The following ANO1 variants were observed in gnomAD, a reference collection of about 807,000 sequenced individuals.
ANO1 encodes the protein anoctamin-1.
In ANO1, 59 loss-of-function variants were observed where a neutral mutation model predicts 124.0. The observed-to-expected ratio is 0.48, with a 90% confidence interval of 0.39 to 0.59. The LOEUF (loss-of-function observed/expected upper bound fraction) is 0.59, where lower values mean the gene tolerates loss of function less well. Among genes scored for constraint, ANO1 ranks in the 20% least tolerant of loss-of-function variants. ANO1 has a pLI of 0.00. For missense variants in ANO1, 1,059 were observed against 1,328.0 expected, an observed-to-expected ratio of 0.80 and a Z score of 3.15; for synonymous variants, 529 against 532.0, an observed-to-expected ratio of 0.99 and a Z score of 0.08.
At chr11:70,040,272 G>T (rs1857162805) in intron 1 of ANO1, among the ~76,000 whole-genome samples, 1 of 151,984 alleles carries the variant, frequency 6.6e-6, no homozygotes, top group Admixed American at 6.6e-5. Flanking sequence ...CCTTACTAAG[G>T]TTTTGTGTCT....
At position 70,020,941 on chromosome 11, in the gene ANO1, G is replaced by A. The variant is rs116522008; in HGVS notation, c.58+34775G>A. The A allele has an allele frequency of 6.5e-3, 984 of 152,368 alleles. 3 individuals are homozygous for A. Among genetic ancestry groups the A allele is most frequent in the African/African-American group, 9.1e-3 (378 of 41,562 alleles). 9.4% of individuals were successfully genotyped at this position (152,368 alleles called of 1,614,324 possible). On this transcript the variant is annotated intron_variant, in intron 1 of 27. Coordinates refer to the ANO1 transcript ENST00000531349. ...CCTCTCATTCGTAGTCATCGTTCGC[G>A]GTCGTAACTGCTACTTACCGAGAGG... is the stretch of plus-strand genomic sequence containing the variant.
chr11:69,999,690 C>G (rs1172206125), intron 1 of ANO1, among the ~76,000 whole-genome samples: 1 of 152,188 alleles, frequency 6.6e-6, no homozygotes, highest in Non-Finnish European at 1.5e-5. Flanking sequence ...ATGCCTAGCA[C>G]AGGGACTGTC....
At chr11:69,986,730 CT>C (rs2120274750) in intron 1 of ANO1, among the ~76,000 whole-genome samples, 1 of 152,274 alleles carries the variant, frequency 6.6e-6, no homozygotes, top group East Asian at 1.9e-4. Flanking sequence ...TTCCTCCCCC[CT>C]GGCTGCACAT....
chr11:70,125,125 T>C (rs1447658024), intron 9 of ANO1, among the ~76,000 whole-genome samples: 2 of 151,666 alleles, frequency 1.3e-5, no homozygotes, highest in African/African-American at 4.8e-5. Flanking sequence ...GGTGGATTAC[T>C]TGAGGTCAGG....
Position 70,088,072 on chromosome 11 carries a change from G to A in ANO1, c.429G>A (p.Glu143=). The change falls in exon 2 of 26, where the codon GAG becomes GAA. Residue 143 remains glutamate, a synonymous_variant. Transcript: ENST00000355303. ...TCCTGGAGGCGGGCCTGGAGCTGGA[G>A]CGGGACGAGGACGTAACTATCTCAC... ...GNLLEAGLEL[E]RDEDTKIHGV... is the part of the protein sequence containing the mutation. The A allele has an allele frequency of 7.6e-7, 1 of 1,309,692 alleles. No homozygotes were observed. The highest frequency in any genetic ancestry group is 9.9e-7 in the Non-Finnish European group (1 of 1,014,442). The allele number at this position is 1,309,692 out of a possible 1,614,324, so 81.1% of individuals were successfully genotyped here. A position where few individuals can be genotyped will look rare whatever the true frequency, so the allele number is the denominator to read the frequency against.
chr11:70,074,304 C>T (rs117404706), upstream of ANO1, among the ~76,000 whole-genome samples: 30 of 152,204 alleles, frequency 2.0e-4, no homozygotes, highest in Non-Finnish European at 3.2e-4. Context: ...CTGGGCCAAC[C>T]GAGGGGCAGG....
intron 1 of ANO1, among the ~76,000 whole-genome samples, chr11:70,001,608 C>A (rs569379094): frequency 6.6e-6 from 1 of 152,280 alleles, no homozygotes; most frequent in South Asian, 2.1e-4. Flanking sequence ...CTATCGCACA[C>A]AAAAGCAGGC....
chr11:70,042,142 T>G (rs1591052560), intron 1 of ANO1, among the ~76,000 whole-genome samples: 1 of 152,088 alleles, frequency 6.6e-6, no homozygotes, highest in East Asian at 1.9e-4. Context: ...CTGACCATAA[T>G]GTAGTAACAG....
intron 18 of ANO1, among the ~76,000 whole-genome samples, 157 bp from the exon 19 acceptor site, chr11:70,163,126 T>A (rs1003380664): frequency 6.6e-6 from 1 of 152,226 alleles, no homozygotes; most frequent in African/African-American, 2.4e-5. Context: ...ACTGTGGTCA[T>A]CTTTTAGCAG....
upstream of ANO1, among the ~76,000 whole-genome samples, chr11:70,077,588 G>C (rs575445415): frequency 1.4e-3 from 216 of 152,224 alleles, 1 homozygote; most frequent in African/African-American, 4.9e-3. Flanking sequence ...CCCCCGCTCC[G>C]CCCCTCCAGA....
the ANO1 span, among the ~76,000 whole-genome samples, chr11:69,974,528 C>G: frequency 2.6e-5 from 4 of 152,302 alleles, no homozygotes; most frequent in Non-Finnish European, 5.9e-5. Flanking sequence ...TGAGCTGGTT[C>G]AAGGTGTGCA....
intron 5 of ANO1, among the ~76,000 whole-genome samples, chr11:70,107,880 A>G (rs931553749): frequency 6.6e-6 from 1 of 152,182 alleles, no homozygotes; most frequent in Non-Finnish European, 1.5e-5. Context: ...TGGGGAATGG[A>G]TCCCAAGGCC....
At chr11:70,082,996 C>T (rs769123074) in intron 1 of ANO1, among the ~76,000 whole-genome samples, 8 of 152,146 alleles carry the variant, frequency 5.3e-5, no homozygotes, top group Non-Finnish European at 1.0e-4. Context: ...CAGAGTCAGG[C>T]GCTGGGACTC....
At chr11:70,111,110 G>A (rs748377651) in intron 6 of ANO1, 8 of 456,598 alleles carry the variant, frequency 1.8e-5, no homozygotes, top group Admixed American at 9.4e-5. Flanking sequence ...CTCACTAATA[G>A]CCAATGTATA....
chr11:70,020,151 T>G (rs1357756150), intron 1 of ANO1, among the ~76,000 whole-genome samples: 2 of 152,212 alleles, frequency 1.3e-5, no homozygotes, highest in African/African-American at 4.8e-5. Flanking sequence ...AGGGTACTCT[T>G]GTGGATTGTT....
intron 2 of ANO1, among the ~76,000 whole-genome samples, chr11:70,092,593 G>A (rs112410653): frequency 6.6e-6 from 1 of 152,182 alleles, no homozygotes; most frequent in African/African-American, 2.4e-5. Context: ...CTGGTCTGGG[G>A]GACCCAGCAC....
intron 9 of ANO1, among the ~76,000 whole-genome samples, chr11:70,125,192 A>C (rs573135183): frequency 6.6e-6 from 1 of 152,272 alleles, no homozygotes; most frequent in Non-Finnish European, 1.5e-5. Context: ...AAAATACAAA[A>C]GTTAGCTGGC....
intron 1 of ANO1, among the ~76,000 whole-genome samples, chr11:70,042,545 G>T (rs1857200596): frequency 6.6e-6 from 1 of 150,904 alleles, no homozygotes; most frequent in African/African-American, 2.4e-5. Context: ...GAGATTGAGA[G>T]ATTGAGAGAG....
At chr11:70,145,248 G>C (rs138981642) in intron 11 of ANO1, among the ~76,000 whole-genome samples, 40 of 152,238 alleles carry the variant, frequency 2.6e-4, no homozygotes, top group African/African-American at 8.7e-4. Flanking sequence ...TTCCTTTCCT[G>C]CTGGTGAAGC....
Sources: gnomAD v4.1 joint callset for allele counts (sites outside exome capture counted in the v4.1 genomes callset) on GRCh38, gnomAD v4.1.1 for gene constraint, MANE v1.5 for transcripts, NCBI Gene and HGNC (gene_info 2026-07-23, HGNC 2026-07-21) for gene names.